The following MINK1 variants were observed in gnomAD, a reference collection of about 807,000 sequenced individuals.
The protein encoded by MINK1 is misshapen-like kinase 1.
In MINK1, 46 loss-of-function variants were observed where a neutral mutation model predicts 178.4. The observed-to-expected ratio is 0.26, with a 90% CI of 0.20 to 0.33. The LOEUF (loss-of-function observed/expected upper bound fraction) is 0.33. Among genes scored for constraint, MINK1 ranks in the 10% least tolerant of loss-of-function variants. The pLI, the probability that MINK1 is intolerant of heterozygous loss-of-function variation, is 1.00. For missense variants in MINK1, 1,366 were observed against 1,814.9 expected (o/e 0.75, Z 4.49); for synonymous variants, 797 against 709.7 (o/e 1.12, Z -1.96).
chr17:4,881,347 T>G, intron 4 of MINK1, 90 bp downstream of exon 4: 1 of 1,380,810 alleles, frequency 7.2e-7, no homozygotes, highest in Non-Finnish European at 9.8e-7. Flanking sequence ...CCAGCATCTC[T>G]CCTTGCCAGC....
intron 19 of MINK1, 40 bp downstream of exon 19, chr17:4,892,808 G>C: frequency 6.5e-7 from 1 of 1,545,526 alleles, no homozygotes; most frequent in South Asian, 1.2e-5. Flanking sequence ...CTGGGCCTGG[G>C]GGCTTATCAC....
At chr17:4,888,557 G>T (rs986268189) in intron 12 of MINK1, among the ~76,000 whole-genome samples, 1 of 151,920 alleles carries the variant, frequency 6.6e-6, no homozygotes, top group African/African-American at 2.4e-5. Context: ...AGAATCGCTT[G>T]AACCTGGGAG....
intron 1 of MINK1, chr17:4,847,093 A>C: frequency 4.4e-6 from 2 of 450,368 alleles, no homozygotes; most frequent in South Asian, 3.1e-5. Context: ...GGTGGCCCAA[A>C]TTGCCTATCT....
chr17:4,866,472 A>T (rs555323871), intron 1 of MINK1, among the ~76,000 whole-genome samples: 23 of 142,436 alleles, frequency 1.6e-4, no homozygotes, highest in East Asian at 4.1e-4. Flanking sequence ...TCTCAAAATT[A>T]AAAAAAAAAA....
intron 1 of MINK1, among the ~76,000 whole-genome samples, chr17:4,840,963 T>G (rs113414547): frequency 6.6e-6 from 1 of 151,774 alleles, no homozygotes; most frequent in African/African-American, 2.4e-5. Flanking sequence ...GAGAGATGAA[T>G]GGAGGAAATG....
At position 4,878,368 on chromosome 17, in the gene MINK1, G is replaced by A; in HGVS notation, c.109G>A (p.Gly37Arg). 6.5e-7 allele frequency: 1 copy of A among 1,537,112 alleles called. No individual in the cohort carries two copies. Among genetic ancestry groups the A allele is most frequent in the Non-Finnish European group, 8.7e-7 (1 of 1,146,744 alleles). ...LVEVVGNGTY[G>R]QVYKGRHVKT... Reference sequence around the variant, plus strand: ...GGAGGTGGTCGGCAATGGAACCTACGGACAGGTGTACAAGGTGAGACGAAT... The same window carrying A: ...GGAGGTGGTCGGCAATGGAACCTACAGACAGGTGTACAAGGTGAGACGAAT... Residue 37 changes from glycine (G) to arginine (R), a missense_variant, in exon 2 of 32, where the codon GGA (glycine) becomes AGA (arginine). Physicochemically the swap from Gly to Arg is moderately radical, Grantham distance 125. Around this residue, in one of 14 missense-constraint regions of MINK1, gnomAD observed 109 missense variants for 369.4 expected, o/e 0.30. Coordinates refer to ENST00000355280, the MANE Select transcript of MINK1 (RefSeq NM_153827.5).
In MINK1 at chr17:4,897,255, ACT is replaced by A. The variant is rs777445546; in HGVS notation, c.3970_3971del (p.Leu1324GlufsTer3). ...SGGSSQVYFMTLNRNCIMNW is the reference protein window; with the variant it reads ...SGGSSQVYFMXLNRNCIMNW ...GGGCAGCAGCCAAGTTTACTTCATG[ACT>A]CTGAACCGTAACTGCATCATGAACT... On this transcript the variant is annotated frameshift_variant, in exon 32 of 32. Coordinates refer to ENST00000355280, the MANE Select transcript of MINK1 (RefSeq NM_153827.5). LOFTEE classifies it high-confidence loss of function. 1.2e-6 allele frequency: 2 copies of A among 1,612,974 alleles called. No individual in the cohort carries two copies. Among genetic ancestry groups the A allele is most frequent in the Non-Finnish European group, 1.7e-6 (2 of 1,179,598 alleles).
chr17:4,847,017 C>A, intron 1 of MINK1: 1 of 367,170 alleles, frequency 2.7e-6, no homozygotes. Flanking sequence ...AGTTGTGTTT[C>A]ACAAGTTAAC....
At chr17:4,852,540 G>A (rs1327409899) in intron 1 of MINK1, among the ~76,000 whole-genome samples, 1 of 151,216 alleles carries the variant, frequency 6.6e-6, no homozygotes, top group Non-Finnish European at 1.5e-5. Context: ...GGAGACCCAG[G>A]AGTGAGAAGG....
At chr17:4,858,379 C>G (rs1052743752) in intron 1 of MINK1, among the ~76,000 whole-genome samples, 1 of 152,078 alleles carries the variant, frequency 6.6e-6, no homozygotes, top group Non-Finnish European at 1.5e-5. Flanking sequence ...ACGCTGGCAG[C>G]CTTGTTCTTC....
In MINK1 at chr17:4,850,824, C is replaced by G. The variant is rs140386149; in HGVS notation, c.57+17184C>G. ...GCAATTGAAAACCAGCAGCAAGAAG[C>G]CTTATTATTATCCAACCCCTCATTA... On this transcript the variant is annotated intron_variant, in intron 1 of 31. Coordinates refer to ENST00000355280, the MANE Select transcript of MINK1 (RefSeq NM_153827.5). 6.5e-4 allele frequency among the ~76,000 whole-genome samples: 99 copies of G among 152,238 alleles called. 2 individuals carry two copies. The East Asian group carries it at 0.017, about 26-fold the overall frequency.
rs759231055 is a variant in MINK1, at chr17:4,896,671, C to T, written c.3776-3C>T. On this transcript the variant is annotated splice_polypyrimidine_tract_variant and splice_region_variant and intron_variant, in intron 30 of 31. Coordinates refer to ENST00000355280, the MANE Select transcript of MINK1 (RefSeq NM_153827.5). The surrounding 1 kb of genome is among the most constrained non-coding windows in gnomAD (Gnocchi z 4.6). Reference sequence around the variant, plus strand: ...TGCTCAGCCCCTCACCTGTTCCCCACAGCCTACATCTGCTCCAACCAGATA... The same window carrying T: ...TGCTCAGCCCCTCACCTGTTCCCCATAGCCTACATCTGCTCCAACCAGATA... 3 of 1,600,478 alleles carry T rather than the reference C, an allele frequency of 1.9e-6. No homozygotes were observed. The highest frequency in any genetic ancestry group is 2.6e-6 in the Non-Finnish European group (3 of 1,171,762).
Position 4,893,609 on chromosome 17 carries a change from G to A in MINK1, c.2564+12G>A, listed in dbSNP as rs753251102. ...ACCCCTGGGGGCCGGTACGGCATCG[G>A]GAGTGGGGCCCTCCCACTCCAAGGC... On this transcript the variant is annotated intron_variant, in intron 21 of 31. Coordinates refer to ENST00000355280, the MANE Select transcript of MINK1 (RefSeq NM_153827.5). The A allele has an allele frequency of 5.9e-6, 9 of 1,519,480 alleles. No individual in the cohort carries two copies. The East Asian group carries it at 2.1e-4, about 35-fold the overall frequency. The allele number at this position is 1,519,480 out of a possible 1,614,324, so 94.1% of individuals were successfully genotyped here.
chr17:4,861,704 T>G (rs996782072), intron 1 of MINK1: 2 of 290,104 alleles, frequency 6.9e-6, no homozygotes, highest in Non-Finnish European at 1.4e-5. Context: ...TTTCACCATG[T>G]TGGCCAGGCT....
intron 18 of MINK1, 31 bp downstream of exon 18, chr17:4,892,543 C>G: frequency 6.5e-7 from 1 of 1,538,906 alleles, no homozygotes; most frequent in Non-Finnish European, 8.9e-7. Flanking sequence ...CTCACTCTCA[C>G]CTCTCACTTC....
At position 4,886,353 on chromosome 17, in the gene MINK1, G is replaced by T; in HGVS notation, c.774-98G>T. 6.7e-7 allele frequency: 1 copy of T among 1,502,156 alleles called. No individual in the cohort carries two copies. Among genetic ancestry groups the T allele is most frequent in the Non-Finnish European group, 9.2e-7 (1 of 1,090,772 alleles). 93.1% of individuals were successfully genotyped at this position (1,502,156 alleles called of 1,614,324 possible). The stretch of plus-strand genomic sequence containing the variant: ...GGTGTTGGGATATGAAGACAGGAGG[G>T]ACGTCAAGGTGGCTTGTGGATGAAT... On this transcript the variant is annotated intron_variant, in intron 9 of 31. Transcript: ENST00000355280. This position sits in a 1 kb window ranked among gnomAD's most constrained non-coding sequence, Gnocchi z 6.1.
chr17:4,858,991 A>G (rs1597431957), intron 1 of MINK1: 1 of 322,856 alleles, frequency 3.1e-6, no homozygotes. Context: ...TCCCAACACC[A>G]GGCACCCGGG....
intron 20 of MINK1, 97 bp from the exon 21 acceptor site, chr17:4,893,337 G>C: frequency 6.2e-7 from 1 of 1,613,428 alleles, no homozygotes; most frequent in Non-Finnish European, 8.5e-7. Context: ...GCTTGTGGGA[G>C]CCCCTCCTGT....
chr17:4,862,516 G>A (rs1478609120), intron 1 of MINK1, among the ~76,000 whole-genome samples: 6 of 152,114 alleles, frequency 3.9e-5, no homozygotes, highest in African/African-American at 1.4e-4. Flanking sequence ...CTAGCCTGGC[G>A]TGGTGGCGGG....
Sources: allele counts gnomAD v4.1 joint callset (sites outside exome capture counted in the v4.1 genomes callset), GRCh38; gene constraint gnomAD v4.1.1; regional missense constraint gnomAD v4.1.1; non-coding constraint Gnocchi (gnomAD v3.1); transcripts MANE v1.5; gene names NCBI Gene and HGNC (gene_info 2026-07-23, HGNC 2026-07-21).